Variants in INIP observed in about 807,000 individuals in gnomAD.
The protein encoded by INIP is SOSS complex subunit C.
In INIP, 9 loss-of-function variants were observed where a neutral mutation model predicts 14.0. That is an observed-to-expected ratio of 0.64 (90% CI 0.39 to 1.12). The LOEUF (loss-of-function observed/expected upper bound fraction) is 1.12. Among genes scored for constraint, INIP ranks in the 50% most tolerant of loss-of-function variants. The probability of loss-of-function intolerance (pLI) is 0.01; values close to 1 mark genes in which losing one functional copy is unlikely to be tolerated. For missense variants in INIP, 78 were observed against 122.7 expected, an observed-to-expected ratio of 0.64 and a Z score of 1.72; for synonymous variants, 37 against 41.5, an observed-to-expected ratio of 0.89 and a Z score of 0.41.
chr9:112,695,410 T>C (rs1025682722), intron 2 of INIP, among the ~76,000 whole-genome samples: 3 of 152,052 alleles, frequency 2.0e-5, no homozygotes, highest in Non-Finnish European at 4.4e-5. Context: ...AAGAATTTTA[T>C]ACTGATTATA....
rs139975515 is a variant in INIP, at chr9:112,696,181, T to C, written c.26-1948A>G. On this transcript the variant is annotated intron_variant, in intron 2 of 4. Transcript: ENST00000374242. ...TGCTAGGACTGCAGGTGTGAGCAAC[T>C]GAGCTAAGCCCATTGTGGTCTTTCT... Among the ~76,000 whole-genome samples, 560 of 152,202 alleles carry C rather than the reference T, an allele frequency of 3.7e-3. 6 individuals are homozygous for C. Among genetic ancestry groups the C allele is most frequent in the African/African-American group, 0.013 (523 of 41,544 alleles).
rs1418309022 is a variant in INIP at position 112,685,321 on chromosome 9, A to G, written c.*2217T>C. ...TGCCTAGGCTGTGGCTTGCTTTATA[A>G]CTATTGGTGTACCAGAATAGGATCC... On this transcript the variant is annotated 3_prime_UTR_variant, in exon 5 of 5. Transcript: ENST00000374242. The G allele has an allele frequency of 6.6e-6, 1 of 151,616 alleles. No homozygotes were observed. The highest frequency in any genetic ancestry group is 1.5e-5 in the Non-Finnish European group (1 of 67,958). 9.4% of individuals were successfully genotyped at this position (151,616 alleles called of 1,614,324 possible). A position where few individuals can be genotyped will look rare whatever the true frequency, so the allele number is the denominator to read the frequency against.
At chr9:112,690,484 C>A (rs774821676) in intron 3 of INIP, among the ~76,000 whole-genome samples, 28 of 152,276 alleles carry the variant, frequency 1.8e-4, no homozygotes, top group Middle Eastern at 6.8e-3. Flanking sequence ...AAAAAAAGAA[C>A]TATCATCCTG....
At chr9:112,715,509 C>T (rs1838782563) in intron 2 of INIP, among the ~76,000 whole-genome samples, 1 of 152,332 alleles carries the variant, frequency 6.6e-6, no homozygotes, top group South Asian at 2.1e-4. Flanking sequence ...CACAGTGGCT[C>T]ATGCCTGTAA....
At chr9:112,703,469 A>C (rs1399446736) in intron 2 of INIP, among the ~76,000 whole-genome samples, 1 of 152,210 alleles carries the variant, frequency 6.6e-6, no homozygotes, top group Non-Finnish European at 1.5e-5. Flanking sequence ...GTGTAATACC[A>C]GCACTTTCGG....
At chr9:112,714,674 G>A (rs986756294) in intron 2 of INIP, among the ~76,000 whole-genome samples, 4 of 152,158 alleles carry the variant, frequency 2.6e-5, no homozygotes, top group African/African-American at 7.2e-5. Flanking sequence ...GGTGAATAAT[G>A]TGAATACAAT....
rs751657168 is a variant in INIP at position 112,689,605 on chromosome 9, C to T, written c.141G>A (p.Ser47=). 3.5e-5 allele frequency: 57 copies of T among 1,613,806 alleles called. No individual in the cohort carries two copies. The highest frequency in any genetic ancestry group is 4.4e-5 in the Non-Finnish European group (52 of 1,179,856). Residue 47 remains serine, a synonymous_variant, in exon 4 of 5, where the codon TCG becomes TCA. Transcript: ENST00000374242. The part of the protein sequence containing the change: ...TNHPGASIAL[S]RPSLNKDFRD... ...GGAAGTCCTTATTAAGAGAGGGTCTCGAGAGTGCAATGCTAAAATGGGAAT... is the reference window on the plus strand; with the variant it reads ...GGAAGTCCTTATTAAGAGAGGGTCTTGAGAGTGCAATGCTAAAATGGGAAT...
intron 3 of INIP, among the ~76,000 whole-genome samples, chr9:112,693,080 A>G (rs992040181): frequency 6.6e-6 from 1 of 152,050 alleles, no homozygotes; most frequent in Non-Finnish European, 1.5e-5. Context: ...GGGAAAATTA[A>G]ATATTCTAGT....
At chr9:112,712,955 A>G (rs1285928485) in intron 2 of INIP, among the ~76,000 whole-genome samples, 1 of 152,216 alleles carries the variant, frequency 6.6e-6, no homozygotes, top group African/African-American at 2.4e-5. Context: ...ATAATCCTAA[A>G]AGCAGCCAGA....
intron 3 of INIP, among the ~76,000 whole-genome samples, chr9:112,693,007 T>C (rs926335255): frequency 1.4e-4 from 19 of 138,766 alleles, no homozygotes; most frequent in African/African-American, 5.0e-4. Context: ...CCACTCTAGG[T>C]GACAGAGTTA....
At position 112,685,247 on chromosome 9, in the gene INIP, T is replaced by G. The variant is rs1837618007; in HGVS notation, c.*2291A>C. 1.5e-5 allele frequency: 2 copies of G among 132,920 alleles called. No homozygotes were observed. Among genetic ancestry groups the G allele is most frequent in the African/African-American group, 5.6e-5 (2 of 35,914 alleles). The allele number at this position is 132,920 out of a possible 1,614,324, so 8.2% of individuals were successfully genotyped here. A position where few individuals can be genotyped will look rare whatever the true frequency, so the allele number is the denominator to read the frequency against. On this transcript the variant is annotated 3_prime_UTR_variant, in exon 5 of 5. Coordinates refer to ENST00000374242, the MANE Select transcript of INIP (RefSeq NM_021218.3). ...CATGCACCAGCACACCTAGCCAATCTTTTTTTTTTTTTTTTAATTTTTTAG... is the reference window on the plus strand; with the variant it reads ...CATGCACCAGCACACCTAGCCAATCGTTTTTTTTTTTTTTTAATTTTTTAG...
intron 2 of INIP, among the ~76,000 whole-genome samples, chr9:112,695,817 AAGG>A (rs1233587144): frequency 6.7e-5 from 6 of 89,040 alleles, no homozygotes; most frequent in South Asian, 3.9e-4. Flanking sequence ...GGAGAAGAAG[AAGG>A]AGAAGAAGAA....
rs80222489 is a variant in INIP at position 112,694,701 on chromosome 9, T to C, written c.26-468A>G. On this transcript the variant is annotated intron_variant, in intron 2 of 4. Transcript: ENST00000374242. ...CCTTTTTCATGGGGGGAAAAAGCAG[T>C]AAACATACTCAGATCAAAATATTTC... Among the ~76,000 whole-genome samples the C allele has an allele frequency of 1.9e-4, 29 of 152,312 alleles. No individual in the cohort carries two copies. In the East Asian group the frequency reaches 5.4e-3, roughly 28 times the overall value.
intron 2 of INIP, among the ~76,000 whole-genome samples, chr9:112,713,037 G>A (rs189038943): frequency 1.3e-3 from 198 of 152,260 alleles, no homozygotes; most frequent in African/African-American, 4.3e-3. Flanking sequence ...GAGACTGGGA[G>A]GAAATACGTG....
chr9:112,708,222 G>C (rs1169903210), intron 2 of INIP, among the ~76,000 whole-genome samples: 1 of 152,204 alleles, frequency 6.6e-6, no homozygotes, highest in Non-Finnish European at 1.5e-5. Flanking sequence ...GAAAGCGGGG[G>C]GAGCAGTGTC....
chr9:112,707,037 G>A (rs899625375), intron 2 of INIP, among the ~76,000 whole-genome samples: 14 of 152,206 alleles, frequency 9.2e-5, no homozygotes, highest in Admixed American at 1.3e-4. Context: ...TCAGCCTCCC[G>A]AGTAGCTGGG....
At chr9:112,700,476 C>A (rs1838250603) in intron 2 of INIP, among the ~76,000 whole-genome samples, 1 of 150,180 alleles carries the variant, frequency 6.7e-6, no homozygotes, top group African/African-American at 2.4e-5. Flanking sequence ...ATTTCTCTCC[C>A]ATTTTATCAG....
rs1266760151 is a variant in INIP at position 112,683,952 on chromosome 9, AGTTTTT to A, written c.*3580_*3585del. 4 of 139,104 alleles carry A rather than the reference AGTTTTT, an allele frequency of 2.9e-5. No individual in the cohort carries two copies. The highest frequency in any genetic ancestry group is 2.3e-4 in the South Asian group (1 of 4,424). The allele number at this position is 139,104 out of a possible 1,614,324, so 8.6% of individuals were successfully genotyped here. A position where few individuals can be genotyped will look rare whatever the true frequency, so the allele number is the denominator to read the frequency against. On this transcript the variant is annotated 3_prime_UTR_variant, in exon 5 of 5. Coordinates refer to ENST00000374242, the MANE Select transcript of INIP (RefSeq NM_021218.3). Reference sequence around the variant, plus strand: ...GCCTTTGAAATCACTAAGTCATTTCAGTTTTTATTCCAGGGTCAAAGCACTGACATC... The same window carrying A: ...GCCTTTGAAATCACTAAGTCATTTCAATTCCAGGGTCAAAGCACTGACATC...
At chr9:112,714,464 A>C (rs1373257874) in intron 2 of INIP, among the ~76,000 whole-genome samples, 1 of 152,248 alleles carries the variant, frequency 6.6e-6, no homozygotes, top group Non-Finnish European at 1.5e-5. Flanking sequence ...ATTTTAAAAT[A>C]AAAACTCCTT....
Sources: gnomAD v4.1 joint callset for allele counts (sites outside exome capture counted in the v4.1 genomes callset) on GRCh38, gnomAD v4.1.1 for gene constraint, MANE v1.5 for transcripts, NCBI Gene and HGNC (gene_info 2026-07-23, HGNC 2026-07-21) for gene names.